Variants in TESMIN observed in about 807,000 individuals in gnomAD.
TESMIN encodes the protein testis expressed metallothionein like protein, also known as CXC domain containing 2.
Under a neutral mutation model 47.4 loss-of-function variants are expected in TESMIN, and 34 were observed. That is an observed-to-expected ratio of 0.72 (90% confidence interval 0.55 to 0.96). The LOEUF is 0.96. TESMIN is among the 40% of genes least tolerant of loss of function. The probability of loss-of-function intolerance (pLI) is 0.00; values close to 1 mark genes in which losing one functional copy is unlikely to be tolerated. For missense variants in TESMIN, 610 were observed against 637.2 expected (o/e 0.96, Z 0.46); for synonymous variants, 278 against 258.9 (o/e 1.07, Z -0.71).
chr11:68,705,148 A>G (rs904694695), downstream of TESMIN, among the ~76,000 whole-genome samples: 10 of 152,176 alleles, frequency 6.6e-5, no homozygotes, highest in African/African-American at 2.4e-4. Flanking sequence ...CCCATGCACA[A>G]AGCTGTGCCC....
Position 68,713,419 on chromosome 11 carries a change from T to TG in TESMIN, c.1021-13dup, listed in dbSNP as rs34309670. On this transcript the variant is annotated splice_polypyrimidine_tract_variant and intron_variant, in intron 7 of 9. Coordinates refer to ENST00000255087, the MANE Select transcript of TESMIN (RefSeq NM_004923.3). ...CTACCAAGACATGCCTAGGGTAGAA[T>TG]GGGAAGCTCCATCAGGATGGATTTT... 1.1e-5 allele frequency: 17 copies of TG among 1,613,558 alleles called. No individual in the cohort carries two copies. The highest frequency in any genetic ancestry group is 1.4e-5 in the Non-Finnish European group (17 of 1,179,758).
chr11:68,722,185 A>G (rs1190148883), intron 6 of TESMIN, among the ~76,000 whole-genome samples: 1 of 152,244 alleles, frequency 6.6e-6, no homozygotes, highest in African/African-American at 2.4e-5. Flanking sequence ...AGGGACAGAT[A>G]TTGTATGAGT....
intron 5 of TESMIN, among the ~76,000 whole-genome samples, chr11:68,739,012 G>A (rs1275771231): frequency 6.6e-6 from 1 of 152,192 alleles, no homozygotes; most frequent in African/African-American, 2.4e-5. Context: ...AAGATGTCTG[G>A]AAGTGTGCAA....
At position 68,707,936 on chromosome 11, in the gene TESMIN, G is replaced by A. The variant is rs1946015375; in HGVS notation, c.*372C>T. The A allele has an allele frequency of 2.2e-6, 1 of 459,614 alleles. No individual in the cohort carries two copies. Among genetic ancestry groups the A allele is most frequent in the Admixed American group, 2.4e-5 (1 of 41,982 alleles). 28.5% of individuals were successfully genotyped at this position (459,614 alleles called of 1,614,324 possible). ...CCAGAGCAACATTCTCTGAGAGGAA[G>A]AGTCGACCAGAGTGAGCTCTCCGCA... On this transcript the variant is annotated 3_prime_UTR_variant, in exon 10 of 10. Transcript: ENST00000255087.
chr11:68,718,281 G>A (rs959289429), intron 6 of TESMIN, among the ~76,000 whole-genome samples: 5 of 152,074 alleles, frequency 3.3e-5, no homozygotes, highest in East Asian at 1.9e-4. Flanking sequence ...CCAGAGAAAC[G>A]GACCATGCAT....
Position 68,750,476 on chromosome 11 carries a change from G to A in TESMIN, c.185C>T (p.Pro62Leu), listed in dbSNP as rs1421166536. Residue 62 changes from proline (P) to leucine (L), a missense_variant, in exon 2 of 10, where the codon CCC (proline) becomes CTC (leucine). Pro to Leu is a moderately conservative substitution (Grantham distance 98). Coordinates refer to ENST00000255087, the MANE Select transcript of TESMIN (RefSeq NM_004923.3). The part of the protein sequence containing the change: ...AYLGPADPKE[P>L]VLHAFNPALG... ...CGCGGGGTTGAACGCGTGCAGGACG[G>A]GTTCCTTGGGGTCCGCCGGGCCCAG... is the stretch of plus-strand genomic sequence containing the variant. The A allele has an allele frequency of 1.2e-6, 2 of 1,601,496 alleles. No homozygotes were observed. The highest frequency in any genetic ancestry group is 1.7e-6 in the Non-Finnish European group (2 of 1,174,656).
chr11:68,723,806 A>G (rs1946230337), intron 6 of TESMIN, among the ~76,000 whole-genome samples: 1 of 152,196 alleles, frequency 6.6e-6, no homozygotes, highest in Admixed American at 6.5e-5. Context: ...AGAAAAATAT[A>G]AAATATCAAA....
At chr11:68,735,485 T>A (rs947197746) in intron 6 of TESMIN, among the ~76,000 whole-genome samples, 1 of 152,208 alleles carries the variant, frequency 6.6e-6, no homozygotes, top group Non-Finnish European at 1.5e-5. Context: ...TAAATCACTG[T>A]GTGGCCAGGA....
At chr11:68,736,340 G>A in intron 6 of TESMIN, 1 of 985,434 alleles carries the variant, frequency 1.0e-6, no homozygotes, top group Non-Finnish European at 1.2e-6. Context: ...CCTAACAAAT[G>A]ACCATCGGGT....
At position 68,715,923 on chromosome 11, in the gene TESMIN, C is replaced by T. The variant is rs142578378; in HGVS notation, c.934G>A (p.Ala312Thr). The change falls in exon 7 of 10, where the codon GCC becomes ACC. Residue 312 changes from alanine to threonine, a missense_variant. By Grantham distance (58) the Ala-to-Thr change is moderately conservative. Coordinates refer to ENST00000255087, the MANE Select transcript of TESMIN (RefSeq NM_004923.3). ...ITLAGYCDCF[A>T]SGDFCNNCNC... is the part of the protein sequence containing the mutation. ...CAGTTGTTGCAAAAGTCCCCACTGG[C>T]AAAGCAGTCACAGTACCTGTGAAGG... 6.2e-7 allele frequency: 1 copy of T among 1,611,156 alleles called. No homozygotes were observed. Among genetic ancestry groups the T allele is most frequent in the Admixed American group, 1.7e-5 (1 of 60,018 alleles).
At chr11:68,750,142 G>C in intron 2 of TESMIN, 48 bp downstream of exon 2, 1 of 1,380,136 alleles carries the variant, frequency 7.2e-7, no homozygotes, top group Non-Finnish European at 9.4e-7. Flanking sequence ...AGATGGGTTG[G>C]GGAAGGGATG....
At chr11:68,725,638 T>TTTG (rs55687648) in intron 6 of TESMIN, among the ~76,000 whole-genome samples, 2 of 151,222 alleles carry the variant, frequency 1.3e-5, no homozygotes, top group African/African-American at 4.9e-5. Context: ...ATGACAGTTT[T>TTTG]TTGTTGTTGT....
chr11:68,735,776 G>A (rs1366960309), intron 6 of TESMIN, among the ~76,000 whole-genome samples: 3 of 152,376 alleles, frequency 2.0e-5, no homozygotes, highest in Middle Eastern at 3.4e-3. Context: ...GTTCGGCACA[G>A]ATGGAAGAAG....
intron 1 of TESMIN, 30 bp from the exon 2 acceptor site, chr11:68,750,729 C>T: frequency 8.5e-7 from 1 of 1,176,128 alleles, no homozygotes; most frequent in Middle Eastern, 2.9e-4. Flanking sequence ...GAGAGGCAGC[C>T]AGAGGAGAGG....
At position 68,713,416 on chromosome 11, in the gene TESMIN, G is replaced by A. The variant is rs928533395; in HGVS notation, c.1021-9C>T. The A allele has an allele frequency of 1.2e-6, 2 of 1,613,562 alleles. No individual in the cohort carries two copies. The highest frequency in any genetic ancestry group is 4.5e-5 in the East Asian group (2 of 44,864). The stretch of plus-strand genomic sequence containing the variant: ...TTTCTACCAAGACATGCCTAGGGTA[G>A]AATGGGAAGCTCCATCAGGATGGAT... On this transcript the variant is annotated splice_polypyrimidine_tract_variant and intron_variant, in intron 7 of 9. Transcript: ENST00000255087.
chr11:68,750,293 T>G lies in TESMIN; in HGVS notation c.368A>C (p.His123Pro), dbSNP rs770875415. 1 of 1,548,326 alleles carries G rather than the reference T, an allele frequency of 6.5e-7. No homozygotes were observed. The highest frequency in any genetic ancestry group is 8.7e-7 in the Non-Finnish European group (1 of 1,153,554). ...QAPQPPACNV[H>P]FLSSLLPAHR... is the part of the protein sequence containing the mutation. ...CGCGGGTAGCAGCGAGGACAGGAAG[T>G]GCACGTTGCAGGCGGGCGGCTGCGG... The change falls in exon 2 of 10, where the codon CAC becomes CCC. Residue 123 changes from histidine (H) to proline (P), a missense_variant. Physicochemically the swap from His to Pro is moderately conservative, Grantham distance 77. Transcript: ENST00000255087.
intron 6 of TESMIN, among the ~76,000 whole-genome samples, chr11:68,725,872 T>C (rs1440807278): frequency 6.6e-6 from 1 of 152,138 alleles, no homozygotes; most frequent in African/African-American, 2.4e-5. Flanking sequence ...ATTTAAAACC[T>C]TTTAGATGGC....
intron 6 of TESMIN, among the ~76,000 whole-genome samples, chr11:68,720,150 T>C (rs1047730750): frequency 6.6e-6 from 1 of 152,214 alleles, no homozygotes; most frequent in Non-Finnish European, 1.5e-5. Flanking sequence ...TAGAATTGCA[T>C]ACCCAGTAAA....
chr11:68,729,007 C>A (rs1361609903), intron 6 of TESMIN, among the ~76,000 whole-genome samples: 1 of 152,184 alleles, frequency 6.6e-6, no homozygotes, highest in African/African-American at 2.4e-5. Context: ...AACACAATAT[C>A]CATCCTGTAG....
Sources: gnomAD v4.1 joint callset for allele counts (sites outside exome capture counted in the v4.1 genomes callset) on GRCh38, gnomAD v4.1.1 for gene constraint, MANE v1.5 for transcripts, NCBI Gene and HGNC (gene_info 2026-07-23, HGNC 2026-07-21) for gene names.